PARD6G: variants seen among roughly 807,000 people sequenced by gnomAD.
The protein encoded by PARD6G is par-6 family cell polarity regulator gamma, also known as partitioning defective 6 homolog gamma.
In PARD6G, 7 loss-of-function variants were observed where a neutral mutation model predicts 10.7. The ratio of observed to expected loss-of-function variants is 0.66; its 90% CI spans 0.37 to 1.23. The LOEUF (loss-of-function observed/expected upper bound fraction) is 1.23, where lower values mean the gene tolerates loss of function less well. Ranked by LOEUF, PARD6G falls within the 50% of genes most tolerant of loss-of-function variation. The pLI is 0.02. For missense variants in PARD6G, 548 were observed against 571.8 expected (o/e 0.96, Z 0.42); for synonymous variants, 287 against 269.4 (o/e 1.07, Z -0.64).
chr18:80,244,958 G>A (rs982286302), intron 1 of PARD6G, among the ~76,000 whole-genome samples: 9 of 152,168 alleles, frequency 5.9e-5, no homozygotes, highest in Non-Finnish European at 1.2e-4. Context: ...ACGGTGGGGA[G>A]GGCACAACAG....
intron 1 of PARD6G, among the ~76,000 whole-genome samples, chr18:80,208,528 G>T (rs977452371): frequency 1.3e-5 from 2 of 152,020 alleles, no homozygotes; most frequent in African/African-American, 4.8e-5. Flanking sequence ...CTACTATCCC[G>T]CACATAAAAT....
chr18:80,166,899 AC>A (rs1359085344), intron 2 of PARD6G, among the ~76,000 whole-genome samples: 2 of 152,034 alleles, frequency 1.3e-5, no homozygotes, highest in East Asian at 1.9e-4. Context: ...TGAGGATCCA[AC>A]AAACCAGAGC....
At chr18:80,205,121 A>G (rs1033927097) in intron 1 of PARD6G, among the ~76,000 whole-genome samples, 2 of 152,180 alleles carry the variant, frequency 1.3e-5, no homozygotes, top group Non-Finnish European at 2.9e-5. Flanking sequence ...GAAGGGGCAG[A>G]GGAAAGGGCT....
intron 1 of PARD6G, among the ~76,000 whole-genome samples, chr18:80,240,603 G>A (rs1322623739): frequency 6.6e-6 from 1 of 152,174 alleles, no homozygotes; most frequent in South Asian, 2.1e-4. Flanking sequence ...AGGACAAGTG[G>A]GGACTGGACC....
intron 1 of PARD6G, among the ~76,000 whole-genome samples, chr18:80,222,542 G>GA (rs1568441125): frequency 1.3e-5 from 2 of 151,834 alleles, no homozygotes; most frequent in Non-Finnish European, 2.9e-5. Context: ...TCTTGAAAAC[G>GA]AAAAACATAG....
rs763221240 is a variant in PARD6G, at chr18:80,181,406, G to A, written c.296-20800C>T. Among the ~76,000 whole-genome samples, 20 of 152,130 alleles carry A rather than the reference G, an allele frequency of 1.3e-4. No individual in the cohort carries two copies. Among genetic ancestry groups the A allele is most frequent in the Non-Finnish European group, 2.4e-4 (16 of 68,012 alleles). ...GCACCGGGGGACCCTGCGTGCTTGG[G>A]TGCATTGCACACCCAGGTCACCAGG... On this transcript the variant is annotated intron_variant, in intron 2 of 2. Transcript: ENST00000353265. The surrounding 1 kb of genome is among the most constrained non-coding windows in gnomAD (Gnocchi z 7.9).
At chr18:80,241,089 A>G (rs67693980) in intron 1 of PARD6G, among the ~76,000 whole-genome samples, 28,360 of 152,148 alleles carry the variant, frequency 0.19, 2,849 homozygotes, top group Middle Eastern at 0.28. Flanking sequence ...ACTTCTCCCC[A>G]TAAAACACAA....
intron 2 of PARD6G, 129 bp from the exon 3 acceptor site, chr18:80,160,735 A>C (rs1234142587): frequency 7.4e-7 from 1 of 1,345,582 alleles, no homozygotes; most frequent in East Asian, 2.8e-5. Flanking sequence ...GGAGCATTCC[A>C]GACCTGCAGG....
chr18:80,215,771 A>G (rs111713009), intron 1 of PARD6G, among the ~76,000 whole-genome samples: 44 of 152,330 alleles, frequency 2.9e-4, no homozygotes, highest in African/African-American at 9.4e-4. Flanking sequence ...CTATGTCAGT[A>G]ATTAAATGTA....
chr18:80,166,101 G>A (rs536603707), intron 2 of PARD6G, among the ~76,000 whole-genome samples: 30 of 151,930 alleles, frequency 2.0e-4, no homozygotes, highest in Admixed American at 7.9e-4. Flanking sequence ...TATCATTTCC[G>A]CTTATTTCCT....
intron 2 of PARD6G, among the ~76,000 whole-genome samples, chr18:80,195,843 C>G (rs1345036993): frequency 1.3e-5 from 2 of 150,298 alleles, no homozygotes; most frequent in African/African-American, 4.9e-5. Flanking sequence ...CCAGTGCACT[C>G]CAGCCTGGGC....
At position 80,188,911 on chromosome 18, in the gene PARD6G, A is replaced by G. The variant is rs762871042; in HGVS notation, c.295+13799T>C. Among the ~76,000 whole-genome samples, 11 of 152,262 alleles carry G rather than the reference A, an allele frequency of 7.2e-5. No individual in the cohort carries two copies. The highest frequency in any genetic ancestry group is 2.1e-4 in the South Asian group (1 of 4,830). Reference sequence around the variant, plus strand: ...TGGACTTGCTGGGGCATCTGAACACAAGAGTGACCTGGGGGGTGAATGCAG... The same window carrying G: ...TGGACTTGCTGGGGCATCTGAACACGAGAGTGACCTGGGGGGTGAATGCAG... On this transcript the variant is annotated intron_variant, in intron 2 of 2. Transcript: ENST00000353265. The surrounding 1 kb of genome is among the most constrained non-coding windows in gnomAD (Gnocchi z 5.4).
chr18:80,217,802 G>T (rs1378023838), intron 1 of PARD6G, among the ~76,000 whole-genome samples: 1 of 152,126 alleles, frequency 6.6e-6, no homozygotes, highest in East Asian at 1.9e-4. Flanking sequence ...ATTTATAAAA[G>T]GAAAGAGGTT....
chr18:80,168,867 C>T lies in PARD6G; in HGVS notation c.296-8261G>A, dbSNP rs144499614. On this transcript the variant is annotated intron_variant, in intron 2 of 2. Coordinates refer to ENST00000353265, the MANE Select transcript of PARD6G (RefSeq NM_032510.4). ...GAAGTCTGGTCCTATGAAGCTCTCACGGTTACAAGTTTTCAAACTAAAGAT... is the reference window on the plus strand; with the variant it reads ...GAAGTCTGGTCCTATGAAGCTCTCATGGTTACAAGTTTTCAAACTAAAGAT... The T allele has an allele frequency of 1.5e-3, 251 of 169,304 alleles. 1 individual carries two copies. Among genetic ancestry groups the T allele is most frequent in the African/African-American group, 5.4e-3 (226 of 41,594 alleles). The allele number at this position is 169,304 out of a possible 1,614,324, so 10.5% of individuals were successfully genotyped here.
rs547864239 is a variant in PARD6G at position 80,209,177 on chromosome 18, A to C, written c.73-6245T>G. On this transcript the variant is annotated intron_variant, in intron 1 of 2. Transcript: ENST00000353265. ...CCAGTACCCTGACACTATGAGCTGTATCATTTCCCCTTAAAAGGACCCATG... is the reference window on the plus strand; with the variant it reads ...CCAGTACCCTGACACTATGAGCTGTCTCATTTCCCCTTAAAAGGACCCATG... Among the ~76,000 whole-genome samples the C allele has an allele frequency of 3.7e-4, 57 of 152,212 alleles. 2 individuals carry two copies. In the South Asian group the frequency reaches 0.012, roughly 31 times the overall value.
At chr18:80,190,278 T>G (rs961450855) in intron 2 of PARD6G, among the ~76,000 whole-genome samples, 2 of 151,844 alleles carry the variant, frequency 1.3e-5, no homozygotes, top group Admixed American at 1.3e-4. Context: ...CGGCAAACAA[T>G]CCGGGCTCAG....
In PARD6G at chr18:80,160,501, A is replaced by C; in HGVS notation, c.401T>G (p.Ile134Ser). 6.5e-7 allele frequency: 1 copy of C among 1,544,968 alleles called. No homozygotes were observed. The highest frequency in any genetic ancestry group is 8.7e-7 in the Non-Finnish European group (1 of 1,144,952). ...EGPRRRAHLD[I>S]GLPRDFRPVS... ...GGGGCGGAAGTCGCGCGGGAGGCCG[A>C]TGTCCAGGTGTGCACGCCGCCGGGG... is the stretch of plus-strand genomic sequence containing the variant. The change falls in exon 3 of 3, where the codon ATC becomes AGC. Residue 134 changes from isoleucine (I) to serine (S), a missense_variant. By Grantham distance (142) the Ile-to-Ser change is moderately radical. Around this residue, in one of 2 missense-constraint regions of PARD6G, gnomAD observed 235 missense variants for 291.9 expected, o/e 0.81. Coordinates refer to ENST00000353265, the MANE Select transcript of PARD6G (RefSeq NM_032510.4).
Position 80,159,726 on chromosome 18 carries a change from C to A in PARD6G, c.*45G>T. The A allele has an allele frequency of 7.4e-7, 1 of 1,359,126 alleles. No individual in the cohort carries two copies. Among genetic ancestry groups the A allele is most frequent in the South Asian group, 1.9e-5 (1 of 51,826 alleles). 84.2% of individuals were successfully genotyped at this position (1,359,126 alleles called of 1,614,324 possible). A position where few individuals can be genotyped will look rare whatever the true frequency, so the allele number is the denominator to read the frequency against. On this transcript the variant is annotated 3_prime_UTR_variant, in exon 3 of 3. Coordinates refer to ENST00000353265, the MANE Select transcript of PARD6G (RefSeq NM_032510.4). ...TGCAGTCTGCAGGTCCTGTCCCTGTCCTTACCGGGGAACTGGAGCTAGGAT... is the reference window on the plus strand; with the variant it reads ...TGCAGTCTGCAGGTCCTGTCCCTGTACTTACCGGGGAACTGGAGCTAGGAT...
chr18:80,220,038 T>G (rs559121483), intron 1 of PARD6G, among the ~76,000 whole-genome samples: 7 of 152,172 alleles, frequency 4.6e-5, no homozygotes, highest in Admixed American at 1.3e-4. Context: ...TATAAGGACA[T>G]GCCCAAGACT....
Sources: allele counts gnomAD v4.1 joint callset (sites outside exome capture counted in the v4.1 genomes callset), GRCh38; gene constraint gnomAD v4.1.1; regional missense constraint gnomAD v4.1.1; non-coding constraint Gnocchi (gnomAD v3.1); transcripts MANE v1.5; gene names NCBI Gene and HGNC (gene_info 2026-07-23, HGNC 2026-07-21).